The following SPOPL variants were observed in gnomAD, a reference collection of about 807,000 sequenced individuals.
The protein encoded by SPOPL is speckle-type POZ protein-like.
Under a neutral mutation model 53.8 loss-of-function variants are expected in SPOPL, and 23 were observed. That is an observed-to-expected ratio of 0.43 (90% CI 0.31 to 0.61). The LOEUF is 0.61. Ranked by LOEUF, SPOPL falls within the 20% of genes least tolerant of loss-of-function variation. The pLI is 0.12. For synonymous variants in SPOPL, 164 were observed against 149.7 expected (o/e 1.10, Z -0.70); for missense variants, 442 against 466.9 (o/e 0.95, Z 0.49).
intron 1 of SPOPL, among the ~76,000 whole-genome samples, chr2:138,517,715 G>A (rs1455190616): frequency 6.6e-6 from 1 of 150,836 alleles, no homozygotes; most frequent in African/African-American, 2.4e-5. Flanking sequence ...CTCCAGCCTG[G>A]GTGACAGAGC....
Position 138,569,168 on chromosome 2 carries a change from T to A in SPOPL, c.*88T>A. On this transcript the variant is annotated 3_prime_UTR_variant, in exon 11 of 11. Transcript: ENST00000280098. ...TAATACACAAACCATAAGCAAGAGT[T>A]GTTTCTGTTATTTTGTCCACAGAAC... The A allele has an allele frequency of 7.0e-7, 1 of 1,427,018 alleles. No homozygotes were observed. Among genetic ancestry groups the A allele is most frequent in the East Asian group, 2.3e-5 (1 of 43,242 alleles). 88.4% of individuals were successfully genotyped at this position (1,427,018 alleles called of 1,614,324 possible). A position where few individuals can be genotyped will look rare whatever the true frequency, so the allele number is the denominator to read the frequency against.
intron 1 of SPOPL, among the ~76,000 whole-genome samples, chr2:138,531,494 T>G (rs1196096842): frequency 6.6e-6 from 1 of 152,192 alleles, no homozygotes; most frequent in African/African-American, 2.4e-5. Flanking sequence ...GGAAAATTCT[T>G]ACTTACCTCT....
chr2:138,513,065 T>C (rs1307159967), intron 1 of SPOPL, among the ~76,000 whole-genome samples: 2 of 152,190 alleles, frequency 1.3e-5, no homozygotes, highest in Non-Finnish European at 2.9e-5. Flanking sequence ...AGTGTGGTAA[T>C]GATGGTGGTG....
intron 1 of SPOPL, among the ~76,000 whole-genome samples, chr2:138,531,969 A>G (rs945963811): frequency 6.6e-6 from 1 of 152,222 alleles, no homozygotes; most frequent in Non-Finnish European, 1.5e-5. Context: ...TTATCCAATC[A>G]GGGACTAAAG....
intron 1 of SPOPL, among the ~76,000 whole-genome samples, chr2:138,506,200 A>G (rs1245114215): frequency 6.6e-6 from 1 of 152,210 alleles, no homozygotes; most frequent in Non-Finnish European, 1.5e-5. Context: ...TAATTAAGTC[A>G]TTGCTTCTCA....
intron 10 of SPOPL, 167 bp downstream of exon 10, chr2:138,565,160 G>C (rs1685633767): frequency 2.4e-6 from 2 of 838,196 alleles, no homozygotes; most frequent in East Asian, 5.3e-5. Context: ...CTGAGGCTAT[G>C]CTCCCTTGTA....
chr2:138,550,216 G>A lies in SPOPL; in HGVS notation c.-1G>A, dbSNP rs1264437258. On this transcript the variant is annotated 5_prime_UTR_variant, in exon 2 of 11. Transcript: ENST00000280098. Reference sequence around the variant, plus strand: ...TCCTGAAAGACTACAATAAAGTGGTGATGTCTCGGGAACCCACCCCACCTC... The same window carrying A: ...TCCTGAAAGACTACAATAAAGTGGTAATGTCTCGGGAACCCACCCCACCTC... 6.2e-7 allele frequency: 1 copy of A among 1,613,292 alleles called. No homozygotes were observed. Among genetic ancestry groups the A allele is most frequent in the East Asian group, 2.2e-5 (1 of 44,828 alleles).
At chr2:138,542,847 T>C (rs1209684645) in intron 1 of SPOPL, among the ~76,000 whole-genome samples, 2 of 152,230 alleles carry the variant, frequency 1.3e-5, no homozygotes, top group African/African-American at 2.4e-5. Context: ...TCTTTACAGT[T>C]TGGCATGTTT....
intron 1 of SPOPL, among the ~76,000 whole-genome samples, chr2:138,534,135 T>G (rs1238162880): frequency 6.6e-6 from 1 of 152,128 alleles, no homozygotes; most frequent in Non-Finnish European, 1.5e-5. Flanking sequence ...TTTGGGTGAT[T>G]AAAAATAACG....
intron 1 of SPOPL, among the ~76,000 whole-genome samples, chr2:138,509,091 C>T (rs532827307): frequency 5.1e-4 from 78 of 151,984 alleles, no homozygotes; most frequent in African/African-American, 1.9e-3. Flanking sequence ...TTTTTTTATT[C>T]TCAAGTATGA....
intron 1 of SPOPL, among the ~76,000 whole-genome samples, chr2:138,549,715 G>A (rs535890818): frequency 6.6e-6 from 1 of 152,154 alleles, no homozygotes; most frequent in Non-Finnish European, 1.5e-5. Flanking sequence ...TTTACTTGAC[G>A]AAAACTTCTG....
chr2:138,552,539 T>C lies in SPOPL; in HGVS notation c.353-15T>C, dbSNP rs753275074. ...GATATTTATTTTATTTAAACTCTAT[T>C]CTGTTTTCCACCAGAAAGCCAAAGA... On this transcript the variant is annotated splice_polypyrimidine_tract_variant and intron_variant, in intron 4 of 10. Coordinates refer to ENST00000280098, the MANE Select transcript of SPOPL (RefSeq NM_001001664.3). 3 of 1,598,550 alleles carry C rather than the reference T, an allele frequency of 1.9e-6. No individual in the cohort carries two copies. In the South Asian group the frequency reaches 3.4e-5, roughly 18 times the overall value.
rs565525317 is a variant in SPOPL, at chr2:138,570,195, T to G, written c.*1115T>G. 3.3e-5 allele frequency: 5 copies of G among 152,128 alleles called. No homozygotes were observed. The highest frequency in any genetic ancestry group is 4.8e-5 in the African/African-American group (2 of 41,422). The allele number at this position is 152,128 out of a possible 1,614,324, so 9.4% of individuals were successfully genotyped here. ...TGAATCCTGGATAGTCTACTCTCCT[T>G]CAAACAATTAACTGATACTTGCCTT... is the stretch of plus-strand genomic sequence containing the variant. On this transcript the variant is annotated 3_prime_UTR_variant, in exon 11 of 11. Coordinates refer to ENST00000280098, the MANE Select transcript of SPOPL (RefSeq NM_001001664.3).
intron 10 of SPOPL, among the ~76,000 whole-genome samples, chr2:138,568,120 C>T (rs1685706039): frequency 6.6e-6 from 1 of 152,060 alleles, no homozygotes; most frequent in South Asian, 2.1e-4. Flanking sequence ...ACCAAGGGAA[C>T]ATTATGGAAG....
intron 1 of SPOPL, among the ~76,000 whole-genome samples, chr2:138,502,527 G>C: frequency 6.6e-6 from 1 of 152,132 alleles, no homozygotes; most frequent in East Asian, 1.9e-4. Context: ...CTCTGCCACC[G>C]CGCAGCGTCC....
rs1014578210 is a variant in SPOPL, at chr2:138,548,458, T to C, written c.-60-1699T>C. On this transcript the variant is annotated intron_variant, in intron 1 of 10. Coordinates refer to ENST00000280098, the MANE Select transcript of SPOPL (RefSeq NM_001001664.3). ...TCCCTTCTTGCCAGAAATCTCACTA[T>C]GAAATAATAAGGGAGATTATTATAC... 3.9e-5 allele frequency among the ~76,000 whole-genome samples: 6 copies of C among 152,048 alleles called. No individual in the cohort carries two copies. In the East Asian group the frequency reaches 1.2e-3, roughly 29 times the overall value.
At chr2:138,519,743 G>A (rs1291095005) in intron 1 of SPOPL, among the ~76,000 whole-genome samples, 2 of 152,140 alleles carry the variant, frequency 1.3e-5, no homozygotes, top group African/African-American at 4.8e-5. Flanking sequence ...AGTGAGCCAT[G>A]ATCATGCCAC....
rs1186348889 is a variant in SPOPL, at chr2:138,569,212, T to C, written c.*132T>C. The C allele has an allele frequency of 1.0e-6, 1 of 986,890 alleles. No homozygotes were observed. Among genetic ancestry groups the C allele is most frequent in the African/African-American group, 1.6e-5 (1 of 60,874 alleles). 61.1% of individuals were successfully genotyped at this position (986,890 alleles called of 1,614,324 possible). ...ACAGAACAGAAGCTGAAAAAGCATATTGCTTGCATTTCAGGTGGATAATTT... is the reference window on the plus strand; with the variant it reads ...ACAGAACAGAAGCTGAAAAAGCATACTGCTTGCATTTCAGGTGGATAATTT... On this transcript the variant is annotated 3_prime_UTR_variant, in exon 11 of 11. Coordinates refer to ENST00000280098, the MANE Select transcript of SPOPL (RefSeq NM_001001664.3).
intron 1 of SPOPL, among the ~76,000 whole-genome samples, chr2:138,528,485 G>A (rs1333025890): frequency 6.6e-6 from 1 of 152,036 alleles, no homozygotes; most frequent in African/African-American, 2.4e-5. Context: ...CGTTGTTATT[G>A]GTTTATTTTT....
Sources: gnomAD v4.1 joint callset for allele counts (sites outside exome capture counted in the v4.1 genomes callset) on GRCh38, gnomAD v4.1.1 for gene constraint, MANE v1.5 for transcripts, NCBI Gene and HGNC (gene_info 2026-07-23, HGNC 2026-07-21) for gene names.